GALNT2: variants seen among roughly 807,000 people sequenced by gnomAD.
The protein encoded by GALNT2 is UDP-GalNAc:polypeptide N-acetylgalactosaminyltransferase 2.
Under a neutral mutation model 81.4 loss-of-function variants are expected in GALNT2, and 31 were observed. The observed-to-expected ratio is 0.38, with a 90% confidence interval of 0.29 to 0.51. GALNT2 has a LOEUF of 0.51. GALNT2 is among the 20% of genes least tolerant of loss of function. The pLI, the probability that GALNT2 is intolerant of heterozygous loss-of-function variation, is 0.87. For synonymous variants in GALNT2, 303 were observed against 287.4 expected, an observed-to-expected ratio of 1.05 and a Z score of -0.55; for missense variants, 629 against 765.7, an observed-to-expected ratio of 0.82 and a Z score of 2.11.
At chr1:230,127,936 G>A (rs1661241307) in intron 1 of GALNT2, among the ~76,000 whole-genome samples, 1 of 152,234 alleles carries the variant, frequency 6.6e-6, no homozygotes, top group Non-Finnish European at 1.5e-5. Context: ...CAGCCGCTGT[G>A]GCCCTTGGTG....
At chr1:230,204,529 CAGG>C (rs1296437241) in intron 3 of GALNT2, among the ~76,000 whole-genome samples, 1 of 152,138 alleles carries the variant, frequency 6.6e-6, no homozygotes, top group Non-Finnish European at 1.5e-5. Context: ...AAGCTCAGCT[CAGG>C]AGGTTGGTAG....
intron 3 of GALNT2, among the ~76,000 whole-genome samples, chr1:230,228,116 G>T (rs1461233412): frequency 6.6e-6 from 1 of 152,160 alleles, no homozygotes; most frequent in African/African-American, 2.4e-5. Context: ...AGAACTGTCA[G>T]ATATGGAGGA....
chr1:230,088,701 C>T (rs1020984785), intron 1 of GALNT2, among the ~76,000 whole-genome samples: 2 of 152,006 alleles, frequency 1.3e-5, no homozygotes, highest in Non-Finnish European at 2.9e-5. Flanking sequence ...CCATGCCTGG[C>T]TAATTTTTCA....
chr1:230,139,227 A>G (rs1661652026), intron 1 of GALNT2, among the ~76,000 whole-genome samples: 1 of 152,118 alleles, frequency 6.6e-6, no homozygotes. Flanking sequence ...CATTTCAGAG[A>G]TTTATATTTA....
chr1:230,242,128 C>T (rs562645251), intron 6 of GALNT2, among the ~76,000 whole-genome samples: 3 of 152,210 alleles, frequency 2.0e-5, no homozygotes, highest in East Asian at 1.9e-4. Flanking sequence ...TGGATTGGAG[C>T]GCATCCTCGT....
intron 2 of GALNT2, among the ~76,000 whole-genome samples, chr1:230,196,130 C>A (rs1663687964): frequency 6.6e-6 from 1 of 152,190 alleles, no homozygotes; most frequent in South Asian, 2.1e-4. Context: ...GTACTTCAGC[C>A]CAGGCTAGAG....
In GALNT2 at chr1:230,274,507, C is replaced by T; in HGVS notation, c.1503C>T (p.Asp501=). 6.2e-7 allele frequency: 1 copy of T among 1,614,032 alleles called. No individual in the cohort carries two copies. Among genetic ancestry groups the T allele is most frequent in the East Asian group, 2.2e-5 (1 of 44,888 alleles). ...TGGATTTGTGCCTTACTGTGGTGGA[C>T]CGGGCACCGGGCTCTCTTATAAAGC... ...KHMDLCLTVV[D]RAPGSLIKLQ... is the part of the protein sequence containing the mutation. Residue 501 remains aspartate (D), a synonymous_variant, in exon 15 of 16, where the codon GAC becomes GAT. Transcript: ENST00000366672.
At chr1:230,176,134 A>G (rs1662971756) in intron 1 of GALNT2, among the ~76,000 whole-genome samples, 1 of 152,148 alleles carries the variant, frequency 6.6e-6, no homozygotes, top group Non-Finnish European at 1.5e-5. Context: ...GTTTTATAGT[A>G]GGCATCGTTG....
chr1:230,083,637 C>G (rs1659814837), intron 1 of GALNT2, among the ~76,000 whole-genome samples: 1 of 152,186 alleles, frequency 6.6e-6, no homozygotes, highest in African/African-American at 2.4e-5. Context: ...TTAGAATCCT[C>G]ATTTTAAGGC....
intron 1 of GALNT2, among the ~76,000 whole-genome samples, chr1:230,099,447 T>C (rs13375105): frequency 0.018 from 2,697 of 152,232 alleles, 77 homozygotes; most frequent in African/African-American, 0.06. Flanking sequence ...ACACCAATGG[T>C]GTTTCATGAA....
chr1:230,224,925 G>T (rs912134930), intron 3 of GALNT2, among the ~76,000 whole-genome samples: 1 of 152,260 alleles, frequency 6.6e-6, no homozygotes, highest in African/African-American at 2.4e-5. Flanking sequence ...ATTCAAGAAA[G>T]CTATTTTAGA....
In GALNT2 at chr1:230,155,591, G is replaced by A. The variant is rs560368193; in HGVS notation, c.127-22627G>A. 1.4e-4 allele frequency among the ~76,000 whole-genome samples: 22 copies of A among 152,338 alleles called. No homozygotes were observed. In the South Asian group the frequency reaches 4.3e-3, roughly 30 times the overall value. On this transcript the variant is annotated intron_variant, in intron 1 of 15. Coordinates refer to ENST00000366672, the MANE Select transcript of GALNT2 (RefSeq NM_004481.5). ...TCCTCCTTTGGGGCTGGGAGGGACA[G>A]GGCAGGACTCTCCCAGGACAGTCCC...
At chr1:230,084,644 C>T (rs1203344328) in intron 1 of GALNT2, among the ~76,000 whole-genome samples, 1 of 152,084 alleles carries the variant, frequency 6.6e-6, no homozygotes, top group Non-Finnish European at 1.5e-5. Flanking sequence ...GAGGGTCTGC[C>T]ACATGGGGGA....
chr1:230,116,387 G>A (rs971819527), intron 1 of GALNT2, among the ~76,000 whole-genome samples: 4 of 151,986 alleles, frequency 2.6e-5, no homozygotes, highest in Non-Finnish European at 4.4e-5. Context: ...ACACCACCAC[G>A]CCCAACTAAT....
Position 230,275,408 on chromosome 1 carries a change from T to C in GALNT2, c.1560+844T>C, listed in dbSNP as rs959661662. Among the ~76,000 whole-genome samples, 3 of 150,806 alleles carry C rather than the reference T, an allele frequency of 2.0e-5. No homozygotes were observed. The East Asian group carries it at 5.9e-4, about 30-fold the overall frequency. On this transcript the variant is annotated intron_variant, in intron 15 of 15. Transcript: ENST00000366672. This position sits in a 1 kb window ranked among gnomAD's most constrained non-coding sequence, Gnocchi z 5.5. Reference sequence around the variant, plus strand: ...TGTATACACGCCACATATATACATATGTAAACACCACATATATACACACCA... The same window carrying C: ...TGTATACACGCCACATATATACATACGTAAACACCACATATATACACACCA...
At chr1:230,084,172 C>T (rs1659832389) in intron 1 of GALNT2, among the ~76,000 whole-genome samples, 1 of 152,188 alleles carries the variant, frequency 6.6e-6, no homozygotes, top group African/African-American at 2.4e-5. Flanking sequence ...GCCCCTCCCA[C>T]AGCAGGGAGA....
chr1:230,269,891 T>C (rs1326592548), intron 14 of GALNT2, among the ~76,000 whole-genome samples: 1 of 152,104 alleles, frequency 6.6e-6, no homozygotes, highest in African/African-American at 2.4e-5. Context: ...AGTGAGACCA[T>C]GTTCCTAAAA....
At position 230,178,240 on chromosome 1, in the gene GALNT2, C is replaced by G. The variant is rs994653305; in HGVS notation, c.149C>G (p.Pro50Arg). ...GRKEDWNEID[P>R]IKKKDLHHSN... ...TAGGAGGACTGGAATGAAATTGACC[C>G]CATTAAAAAGAAAGACCTTCATCAC... The change falls in exon 2 of 16, where the codon CCC becomes CGC. Residue 50 changes from proline to arginine, a missense_variant. Pro to Arg is a moderately radical substitution (Grantham distance 103, BLOSUM62 -2). Around this residue, in one of 3 missense-constraint regions of GALNT2, gnomAD observed 360 missense variants for 492.8 expected, o/e 0.73. Coordinates refer to ENST00000366672, the MANE Select transcript of GALNT2 (RefSeq NM_004481.5). 35 of 1,613,746 alleles carry G rather than the reference C, an allele frequency of 2.2e-5. No homozygotes were observed. Among genetic ancestry groups the G allele is most frequent in the Middle Eastern group, 1.6e-4 (1 of 6,082 alleles).
rs78561250 is a variant in GALNT2 at position 230,137,332 on chromosome 1, G to A, written c.127-40886G>A. On this transcript the variant is annotated intron_variant, in intron 1 of 15. Coordinates refer to ENST00000366672, the MANE Select transcript of GALNT2 (RefSeq NM_004481.5). ...CTGCACAGAGGTGGTGGATATGGCC[G>A]AAGCCACTTCTGCTTCATGCTGTGT... 7.4e-3 allele frequency among the ~76,000 whole-genome samples: 1,129 copies of A among 152,328 alleles called. 10 individuals are homozygous for A. The highest frequency in any genetic ancestry group is 0.017 in the African/African-American group (722 of 41,560).
Sources: allele counts gnomAD v4.1 joint callset (sites outside exome capture counted in the v4.1 genomes callset), GRCh38; gene constraint gnomAD v4.1.1; regional missense constraint gnomAD v4.1.1; non-coding constraint Gnocchi (gnomAD v3.1); transcripts MANE v1.5; gene names NCBI Gene and HGNC (gene_info 2026-07-23, HGNC 2026-07-21).